DLGAP1: variants seen among roughly 807,000 people sequenced by gnomAD.
DLGAP1 encodes DLG associated protein 1.
A neutral mutation model predicts 90.8 loss-of-function variants in DLGAP1; 11 were observed. The observed-to-expected ratio is 0.12, with a 90% CI of 0.08 to 0.20. The LOEUF (loss-of-function observed/expected upper bound fraction) is 0.20. Ranked by LOEUF, DLGAP1 falls within the 10% of genes least tolerant of loss-of-function variation. DLGAP1 has a pLI of 1.00. For missense variants in DLGAP1, 1,050 were observed against 1,333.8 expected, an observed-to-expected ratio of 0.79 and a Z score of 3.31; for synonymous variants, 558 against 540.7, an observed-to-expected ratio of 1.03 and a Z score of -0.44.
intron 5 of DLGAP1, among the ~76,000 whole-genome samples, chr18:3,789,692 G>C (rs1328911775): frequency 7.9e-5 from 12 of 152,182 alleles, no homozygotes; most frequent in Admixed American, 7.2e-4. Flanking sequence ...GTGGTCAACA[G>C]TGTAAAATAT....
At chr18:3,923,192 T>C (rs536918896) in intron 3 of DLGAP1, among the ~76,000 whole-genome samples, 4 of 150,708 alleles carry the variant, frequency 2.7e-5, no homozygotes, top group African/African-American at 9.7e-5. Context: ...GTTCATACTG[T>C]TCATTGAATA....
chr18:3,759,690 C>T (rs1053826016), intron 5 of DLGAP1, among the ~76,000 whole-genome samples: 2 of 152,218 alleles, frequency 1.3e-5, no homozygotes, highest in Non-Finnish European at 2.9e-5. Flanking sequence ...TTAAGATGAA[C>T]ATGCAGAACT....
At chr18:3,832,542 T>C (rs577033323) in intron 4 of DLGAP1, among the ~76,000 whole-genome samples, 2 of 152,328 alleles carry the variant, frequency 1.3e-5, no homozygotes, top group East Asian at 1.9e-4. Flanking sequence ...TAGAAAAACA[T>C]TGAATTAAGC....
chr18:4,224,996 C>A (rs931970402), intron 1 of DLGAP1, among the ~76,000 whole-genome samples: 6 of 151,858 alleles, frequency 4.0e-5, no homozygotes, highest in African/African-American at 1.5e-4. Flanking sequence ...CACACTCACA[C>A]CCCCCCACAC....
intron 2 of DLGAP1, among the ~76,000 whole-genome samples, chr18:4,019,388 A>T (rs1014138344): frequency 2.6e-5 from 4 of 152,128 alleles, no homozygotes; most frequent in Non-Finnish European, 4.4e-5. Context: ...GTCGCTTAAG[A>T]TTTATCTGAT....
At chr18:3,545,922 A>G (rs2052986121) in intron 9 of DLGAP1, among the ~76,000 whole-genome samples, 1 of 152,210 alleles carries the variant, frequency 6.6e-6, no homozygotes, top group African/African-American at 2.4e-5. Context: ...TAATATTCCT[A>G]AACATTTATG....
chr18:3,641,478 G>A (rs1032102471), intron 7 of DLGAP1, among the ~76,000 whole-genome samples: 8 of 149,610 alleles, frequency 5.3e-5, no homozygotes, highest in African/African-American at 2.0e-4. Flanking sequence ...AGGAGGTTGC[G>A]GTGAGCTGAG....
At chr18:4,062,986 A>T (rs4798161) in intron 2 of DLGAP1, among the ~76,000 whole-genome samples, 66,655 of 151,438 alleles carry the variant, frequency 0.44, 15,539 homozygotes, top group African/African-American at 0.6. Flanking sequence ...TACACACACA[A>T]AAATACATTA....
At chr18:3,570,754 C>A (rs554009736) in intron 8 of DLGAP1, among the ~76,000 whole-genome samples, 2 of 151,710 alleles carry the variant, frequency 1.3e-5, no homozygotes, top group East Asian at 2.0e-4. Flanking sequence ...CATAGCAAGA[C>A]CCTGTCTCTA....
chr18:4,281,823 A>G (rs2079559001), intron 1 of DLGAP1, among the ~76,000 whole-genome samples: 1 of 152,200 alleles, frequency 6.6e-6, no homozygotes, highest in Non-Finnish European at 1.5e-5. Flanking sequence ...TATAAAATGC[A>G]TAAGATGTAC....
intron 1 of DLGAP1, among the ~76,000 whole-genome samples, chr18:4,359,731 A>C (rs2081592963): frequency 6.6e-6 from 1 of 152,200 alleles, no homozygotes; most frequent in South Asian, 2.1e-4. Flanking sequence ...ACTAGGATTG[A>C]TAATGGCAGG....
intron 3 of DLGAP1, among the ~76,000 whole-genome samples, chr18:3,946,761 G>A (rs2072886014): frequency 6.6e-6 from 1 of 152,012 alleles, no homozygotes; most frequent in Admixed American, 6.6e-5. Flanking sequence ...ATAATTAAAG[G>A]TTCTGACTTA....
At chr18:3,624,286 C>T (rs1433960664) in intron 7 of DLGAP1, among the ~76,000 whole-genome samples, 1 of 152,226 alleles carries the variant, frequency 6.6e-6, no homozygotes, top group African/African-American at 2.4e-5. Flanking sequence ...GGCGAGCCTG[C>T]GTGCCCCTGC....
rs559201811 is a variant in DLGAP1 at position 4,383,573 on chromosome 18, G to A, written c.-267+71433C>T. 7.2e-5 allele frequency among the ~76,000 whole-genome samples: 11 copies of A among 151,892 alleles called. 1 individual carries two copies. The highest frequency in any genetic ancestry group is 2.0e-4 in the Admixed American group (3 of 15,244). On this transcript the variant is annotated intron_variant, in intron 1 of 12. Coordinates refer to ENST00000315677, the MANE Select transcript of DLGAP1 (RefSeq NM_004746.4). The surrounding 1 kb of genome is among the most constrained non-coding windows in gnomAD (Gnocchi z 4.0). ...TCTGTATGCACTTAGACAAAACCGA[G>A]TATCCTTGCTCATTAAAAAAAAAGG...
intron 2 of DLGAP1, among the ~76,000 whole-genome samples, chr18:4,125,926 C>G (rs1051642042): frequency 5.9e-5 from 9 of 152,224 alleles, no homozygotes; most frequent in African/African-American, 2.2e-4. Flanking sequence ...GCCACAGGAA[C>G]AGGGAATCAC....
Position 4,173,344 on chromosome 18 carries a change from C to T in DLGAP1, c.-266-22057G>A, listed in dbSNP as rs1311567185. On this transcript the variant is annotated intron_variant, in intron 1 of 12. Transcript: ENST00000315677. ...ATGCTGGTTTCTCTAGAAGCCCATACAATTACAATCAGTCAAGGTAGACTT... is the reference window on the plus strand; with the variant it reads ...ATGCTGGTTTCTCTAGAAGCCCATATAATTACAATCAGTCAAGGTAGACTT... Among the ~76,000 whole-genome samples the T allele has an allele frequency of 2.0e-5, 3 of 152,158 alleles. No individual in the cohort carries two copies. In the East Asian group the frequency reaches 5.8e-4, roughly 29 times the overall value.
At chr18:4,411,654 C>T (rs963128228) in intron 1 of DLGAP1, among the ~76,000 whole-genome samples, 2 of 152,178 alleles carry the variant, frequency 1.3e-5, no homozygotes, top group Non-Finnish European at 2.9e-5. Context: ...GTGAGATTGG[C>T]TGGAGTCATC....
At chr18:4,366,906 A>C (rs977440681) in intron 1 of DLGAP1, among the ~76,000 whole-genome samples, 4 of 151,626 alleles carry the variant, frequency 2.6e-5, no homozygotes, top group African/African-American at 9.7e-5. Flanking sequence ...CATATAGGCA[A>C]ATTACAAAGT....
intron 9 of DLGAP1, among the ~76,000 whole-genome samples, chr18:3,562,916 C>T (rs2054224527): frequency 6.6e-6 from 1 of 152,112 alleles, no homozygotes; most frequent in Non-Finnish European, 1.5e-5. Flanking sequence ...ATAACCTCCA[C>T]TTCCCAAGCT....
Sources: allele counts gnomAD v4.1 joint callset (sites outside exome capture counted in the v4.1 genomes callset), GRCh38; gene constraint gnomAD v4.1.1; non-coding constraint Gnocchi (gnomAD v3.1); transcripts MANE v1.5; gene names NCBI Gene and HGNC (gene_info 2026-07-23, HGNC 2026-07-21).